Variants in HECW1 observed in about 807,000 individuals in gnomAD.
HECW1 encodes the protein HECT, C2 and WW domain containing E3 ubiquitin protein ligase 1, also known as E3 ubiquitin-protein ligase HECW1.
Under a neutral mutation model 182.3 loss-of-function variants are expected in HECW1, and 61 were observed. The observed-to-expected ratio is 0.33, with a 90% CI of 0.27 to 0.41. The LOEUF is 0.41. Ranked by LOEUF, HECW1 falls within the 10% of genes least tolerant of loss-of-function variation. HECW1 has a pLI of 1.00. For synonymous variants in HECW1, 859 were observed against 832.6 expected (o/e 1.03, Z -0.55); for missense variants, 1,739 against 2,108.9 (o/e 0.82, Z 3.44).
intron 11 of HECW1, among the ~76,000 whole-genome samples, chr7:43,449,814 G>C (rs1037550847): frequency 6.6e-6 from 1 of 152,144 alleles, no homozygotes; most frequent in Non-Finnish European, 1.5e-5. Flanking sequence ...CCTTTGTCCC[G>C]GGCCCTTCTC....
chr7:43,233,312 T>C (rs375214060), intron 2 of HECW1, among the ~76,000 whole-genome samples: 3 of 152,352 alleles, frequency 2.0e-5, no homozygotes, highest in South Asian at 4.1e-4. Context: ...TTTTAGATTC[T>C]ATTATGGTAA....
intron 3 of HECW1, among the ~76,000 whole-genome samples, chr7:43,256,633 A>C (rs930015559): frequency 1.2e-4 from 18 of 151,968 alleles, no homozygotes; most frequent in African/African-American, 4.1e-4. Flanking sequence ...AAAAGAAAAG[A>C]AAAGATGAAC....
At chr7:43,465,009 C>T (rs1427583269) in intron 14 of HECW1, among the ~76,000 whole-genome samples, 1 of 151,856 alleles carries the variant, frequency 6.6e-6, no homozygotes, top group Non-Finnish European at 1.5e-5. Context: ...GCTATGTTGC[C>T]CAGGCTGGTC....
At chr7:43,259,387 C>CA (rs36088559) in intron 3 of HECW1, among the ~76,000 whole-genome samples, 113 of 137,362 alleles carry the variant, frequency 8.2e-4, no homozygotes, top group African/African-American at 1.2e-3. Context: ...ACTCCATGTC[C>CA]AAAAAAAAAA....
intron 2 of HECW1, among the ~76,000 whole-genome samples, chr7:43,194,965 A>G (rs1314028036): frequency 6.6e-6 from 1 of 152,158 alleles, no homozygotes; most frequent in Non-Finnish European, 1.5e-5. Flanking sequence ...AAGTGCTGGG[A>G]TTACAGGCAT....
At chr7:43,468,869 T>A in intron 15 of HECW1, 51 bp from the exon 16 acceptor site, 4 of 1,551,828 alleles carry the variant, frequency 2.6e-6, no homozygotes, top group Non-Finnish European at 3.5e-6. Flanking sequence ...GCTTGCTCTA[T>A]GTTTTTCCTA....
rs185845115 is a variant in HECW1 at position 43,229,853 on chromosome 7, C to G, written c.-31-14022C>G. 2.6e-5 allele frequency among the ~76,000 whole-genome samples: 4 copies of G among 152,302 alleles called. No individual in the cohort carries two copies. In the East Asian group the frequency reaches 7.7e-4, roughly 29 times the overall value. On this transcript the variant is annotated intron_variant, in intron 2 of 29. Coordinates refer to ENST00000395891, the MANE Select transcript of HECW1 (RefSeq NM_015052.5). ...CAGACAGCACCTTAACCAAGAGTTG[C>G]CATCATCAGTGCAGCTTGTATTGGG... is the stretch of plus-strand genomic sequence containing the variant.
chr7:43,207,183 A>T (rs1406573397), intron 2 of HECW1, among the ~76,000 whole-genome samples: 1 of 152,060 alleles, frequency 6.6e-6, no homozygotes, highest in Non-Finnish European at 1.5e-5. Context: ...ACTAGCTGGG[A>T]TTACAGGTGC....
chr7:43,362,424 GC>G (rs1816080810), intron 6 of HECW1, among the ~76,000 whole-genome samples: 1 of 152,154 alleles, frequency 6.6e-6, no homozygotes, highest in Admixed American at 6.5e-5. Flanking sequence ...AGGCACATGT[GC>G]TTTTGACGGC....
chr7:43,306,229 C>T (rs1018357717), intron 3 of HECW1, among the ~76,000 whole-genome samples: 56 of 152,316 alleles, frequency 3.7e-4, no homozygotes, highest in Non-Finnish European at 5.9e-4. Flanking sequence ...TACAACAGTC[C>T]GCTGCATAGA....
chr7:43,512,200 T>A (rs554246421), intron 24 of HECW1: 2 of 223,384 alleles, frequency 9.0e-6, no homozygotes, highest in South Asian at 3.7e-4. Context: ...TTACAAGGCT[T>A]TCTATGGGCA....
At chr7:43,488,446 AAGAAAGAAAG>A (rs1563046053) in intron 17 of HECW1, among the ~76,000 whole-genome samples, 4 of 136,190 alleles carry the variant, frequency 2.9e-5, no homozygotes, top group African/African-American at 1.2e-4. Context: ...GAAAGAAAGA[AAGAAAGAAAG>A]AAAGAAAGAA....
Position 43,248,688 on chromosome 7 carries a change from TCCTCC to T in HECW1, c.27+4757_27+4761del, listed in dbSNP as rs202044930. On this transcript the variant is annotated intron_variant, in intron 3 of 29. Coordinates refer to ENST00000395891, the MANE Select transcript of HECW1 (RefSeq NM_015052.5). Reference sequence around the variant, plus strand: ...TTACTCTCCCTCCTCCTCCTCCTCCTCCTCCTTTTCCTCCTCCTCCTCCTCCTCCT... The same window carrying T: ...TTACTCTCCCTCCTCCTCCTCCTCCTTTTTCCTCCTCCTCCTCCTCCTCCT... The T allele has an allele frequency of 0.029, 2,363 of 82,078 alleles. 153 individuals carry two copies. In the East Asian group the frequency reaches 0.29, roughly 10 times the overall value. 5.1% of individuals were successfully genotyped at this position (82,078 alleles called of 1,614,324 possible).
At position 43,397,900 on chromosome 7, in the gene HECW1, G is replaced by A. The variant is rs745773303; in HGVS notation, c.631+1011G>A. On this transcript the variant is annotated intron_variant, in intron 7 of 29. Transcript: ENST00000395891. ...TAATAATGGGACAAACTGGGCAAAGGTTATGTGGGAAATCTTTGTATTATC... is the reference window on the plus strand; with the variant it reads ...TAATAATGGGACAAACTGGGCAAAGATTATGTGGGAAATCTTTGTATTATC... Among the ~76,000 whole-genome samples, 56 of 152,320 alleles carry A rather than the reference G, an allele frequency of 3.7e-4. 1 individual carries two copies. Among genetic ancestry groups the A allele is most frequent in the Non-Finnish European group, 6.3e-4 (43 of 68,026 alleles).
intron 2 of HECW1, chr7:43,119,240 G>A (rs975310559): frequency 4.6e-5 from 7 of 152,238 alleles, no homozygotes; most frequent in Admixed American, 2.6e-4. Flanking sequence ...GTTGTCATTA[G>A]GGTCACCAAT....
chr7:43,319,201 C>G (rs1809718052), intron 4 of HECW1, among the ~76,000 whole-genome samples: 1 of 151,792 alleles, frequency 6.6e-6, no homozygotes, highest in Non-Finnish European at 1.5e-5. Context: ...TCCTGGGTAA[C>G]ACGGTGAAAC....
In HECW1 at chr7:43,243,776, G is replaced by C. The variant is rs1206984796; in HGVS notation, c.-31-99G>C. On this transcript the variant is annotated intron_variant, in intron 2 of 29. Transcript: ENST00000395891. This position sits in a 1 kb window ranked among gnomAD's most constrained non-coding sequence, Gnocchi z 4.0. ...GTCGGTTGCCCAGGCCAGGTATCTT[G>C]GCGGGGGTGGGGGAAACAATGTTGT... 1.1e-6 allele frequency: 1 copy of C among 928,366 alleles called. No individual in the cohort carries two copies. The highest frequency in any genetic ancestry group is 1.8e-6 in the Non-Finnish European group (1 of 561,018). 57.5% of individuals were successfully genotyped at this position (928,366 alleles called of 1,614,324 possible). A position where few individuals can be genotyped will look rare whatever the true frequency, so the allele number is the denominator to read the frequency against.
chr7:43,395,836 G>C (rs1032297566), intron 6 of HECW1, among the ~76,000 whole-genome samples: 1 of 152,170 alleles, frequency 6.6e-6, no homozygotes, highest in African/African-American at 2.4e-5. Flanking sequence ...ATATCAGGCA[G>C]GTTGATGTGA....
chr7:43,318,435 G>A (rs976358199), intron 4 of HECW1, among the ~76,000 whole-genome samples: 3 of 152,178 alleles, frequency 2.0e-5, no homozygotes, highest in African/African-American at 4.8e-5. Flanking sequence ...GCAAACAAGC[G>A]ATTTTCCAAA....
Sources: allele counts gnomAD v4.1 joint callset (sites outside exome capture counted in the v4.1 genomes callset), GRCh38; gene constraint gnomAD v4.1.1; non-coding constraint Gnocchi (gnomAD v3.1); transcripts MANE v1.5; gene names NCBI Gene and HGNC (gene_info 2026-07-23, HGNC 2026-07-21).